Variants in STK39 observed in about 807,000 individuals in gnomAD.
STK39 encodes the protein STE20/SPS1-related proline-alanine-rich protein kinase.
A neutral mutation model predicts 77.8 loss-of-function variants in STK39; 20 were observed. The observed-to-expected ratio is 0.26, with a 90% confidence interval of 0.18 to 0.37. The LOEUF (loss-of-function observed/expected upper bound fraction) is 0.37. Ranked by LOEUF, STK39 falls within the 10% of genes least tolerant of loss-of-function variation. The pLI is 1.00. For synonymous variants in STK39, 246 were observed against 234.1 expected (o/e 1.05, Z -0.47); for missense variants, 479 against 656.5 (o/e 0.73, Z 2.95).
At chr2:168,173,190 A>G (rs1688871160) in intron 2 of STK39, among the ~76,000 whole-genome samples, 1 of 152,222 alleles carries the variant, frequency 6.6e-6, no homozygotes, top group Admixed American at 6.5e-5. Flanking sequence ...ATCAAATAAA[A>G]CATCTACTTC....
intron 10 of STK39, among the ~76,000 whole-genome samples, chr2:168,123,985 G>A (rs1687476132): frequency 6.6e-6 from 1 of 152,076 alleles, no homozygotes. Flanking sequence ...GCATATCAGT[G>A]GATCCAGTGG....
intron 14 of STK39, among the ~76,000 whole-genome samples, chr2:168,023,903 CAGA>C (rs1410266540): frequency 6.6e-6 from 1 of 152,142 alleles, no homozygotes; most frequent in Non-Finnish European, 1.5e-5. Flanking sequence ...TCCTAAGCAG[CAGA>C]AGATTTCTCA....
At chr2:168,146,425 G>A (rs1368194052) in intron 5 of STK39, among the ~76,000 whole-genome samples, 1 of 152,180 alleles carries the variant, frequency 6.6e-6, no homozygotes, top group African/African-American at 2.4e-5. Flanking sequence ...CGGGATCAAT[G>A]TTTGAGAGTT....
chr2:168,058,256 C>T (rs1323238052), intron 14 of STK39, among the ~76,000 whole-genome samples: 1 of 152,186 alleles, frequency 6.6e-6, no homozygotes, highest in East Asian at 1.9e-4. Flanking sequence ...ATATACTTGA[C>T]CTATTGATAG....
At chr2:168,191,539 T>C (rs965353640) in intron 1 of STK39, among the ~76,000 whole-genome samples, 7 of 152,204 alleles carry the variant, frequency 4.6e-5, no homozygotes, top group African/African-American at 1.7e-4. Flanking sequence ...CTAAGATGTC[T>C]GTTTAAAAAG....
At chr2:168,191,058 A>G (rs1047991284) in intron 1 of STK39, among the ~76,000 whole-genome samples, 1 of 152,164 alleles carries the variant, frequency 6.6e-6, no homozygotes, top group Non-Finnish European at 1.5e-5. Flanking sequence ...TACTGCTTCA[A>G]CCTCAAGCCA....
chr2:168,175,429 A>G (rs1240864059), intron 2 of STK39, among the ~76,000 whole-genome samples: 1 of 152,218 alleles, frequency 6.6e-6, no homozygotes, highest in Non-Finnish European at 1.5e-5. Flanking sequence ...TTCTGAAAAA[A>G]AAGCATGAGA....
chr2:168,152,328 A>G (rs4668027), intron 5 of STK39, among the ~76,000 whole-genome samples: 63,574 of 152,062 alleles, frequency 0.42, 14,946 homozygotes, highest in East Asian at 0.67. Flanking sequence ...TCCTCTCTAC[A>G]CCCAAGACAA....
At chr2:168,154,659 T>C (rs1688378333) in intron 5 of STK39, among the ~76,000 whole-genome samples, 1 of 151,994 alleles carries the variant, frequency 6.6e-6, no homozygotes, top group African/African-American at 2.4e-5. Context: ...CCTTCACACT[T>C]AACACATTTT....
intron 17 of STK39, among the ~76,000 whole-genome samples, chr2:167,956,723 CTCTCT>C (rs374224866): frequency 6.3e-4 from 44 of 70,030 alleles, no homozygotes; most frequent in African/African-American, 1.8e-3. Flanking sequence ...CTCTCTCTCT[CTCTCT>C]CCCCCCCCGC....
At chr2:168,011,071 G>T (rs1425651949) in intron 16 of STK39, among the ~76,000 whole-genome samples, 1 of 152,232 alleles carries the variant, frequency 6.6e-6, no homozygotes, top group East Asian at 1.9e-4. Flanking sequence ...GCCAAGGCAG[G>T]CGGATCACTT....
chr2:168,055,434 A>C (rs928604264), intron 14 of STK39, among the ~76,000 whole-genome samples: 1 of 152,252 alleles, frequency 6.6e-6, no homozygotes, highest in African/African-American at 2.4e-5. Context: ...AACAATTGTC[A>C]TGCTGAGTTA....
chr2:168,224,226 G>A (rs573956563), intron 1 of STK39, among the ~76,000 whole-genome samples: 12 of 151,764 alleles, frequency 7.9e-5, no homozygotes, highest in East Asian at 5.8e-4. Flanking sequence ...AAAAAAAATC[G>A]CTTTCTTAGA....
chr2:168,028,600 T>C (rs1032219388), intron 14 of STK39, among the ~76,000 whole-genome samples: 8 of 152,352 alleles, frequency 5.3e-5, no homozygotes, highest in Admixed American at 2.0e-4. Flanking sequence ...TTCACACTTT[T>C]TTGTAGCAGG....
At chr2:168,204,030 AAC>A (rs1689679604) in intron 1 of STK39, among the ~76,000 whole-genome samples, 1 of 152,246 alleles carries the variant, frequency 6.6e-6, no homozygotes, top group Admixed American at 6.5e-5. Flanking sequence ...GCCACTTGAA[AAC>A]ACAGTTAAGA....
At chr2:168,103,829 T>C (rs373878483) in intron 10 of STK39, among the ~76,000 whole-genome samples, 5 of 152,252 alleles carry the variant, frequency 3.3e-5, no homozygotes, top group Admixed American at 2.0e-4. Context: ...TCTCACAATC[T>C]GTGTATCCAC....
chr2:167,961,181 G>A (rs1691947569), intron 17 of STK39, among the ~76,000 whole-genome samples: 1 of 152,136 alleles, frequency 6.6e-6, no homozygotes. Context: ...CCAGTTTCAG[G>A]CTTGACTTTA....
intron 1 of STK39, among the ~76,000 whole-genome samples, chr2:168,205,536 G>T (rs980993904): frequency 1.3e-5 from 2 of 152,124 alleles, no homozygotes; most frequent in African/African-American, 2.4e-5. Context: ...CTGGCACAGT[G>T]GCTCATGCCT....
intron 16 of STK39, among the ~76,000 whole-genome samples, chr2:167,991,955 C>T (rs78998462): frequency 0.037 from 5,671 of 152,268 alleles, 370 homozygotes; most frequent in African/African-American, 0.13. Flanking sequence ...ACATCTACAG[C>T]CTGATCGGCT....
Sources: allele counts gnomAD v4.1 joint callset (sites outside exome capture counted in the v4.1 genomes callset), GRCh38; gene constraint gnomAD v4.1.1; transcripts MANE v1.5; gene names NCBI Gene and HGNC (gene_info 2026-07-23, HGNC 2026-07-21).